Variants in PDXDC1 observed in about 807,000 individuals in gnomAD.
PDXDC1 encodes the protein pyridoxal dependent decarboxylase domain containing 1, also known as pyridoxal-dependent decarboxylase domain-containing protein 1.
Under a neutral mutation model 100.1 loss-of-function variants are expected in PDXDC1, and 42 were observed. That is an observed-to-expected ratio of 0.42 (90% CI 0.33 to 0.54). The LOEUF (loss-of-function observed/expected upper bound fraction) is 0.54. Among genes scored for constraint, PDXDC1 ranks in the 20% least tolerant of loss-of-function variants. PDXDC1 has a pLI of 0.10. For synonymous variants in PDXDC1, 260 were observed against 371.7 expected (o/e 0.70, Z 3.46); for missense variants, 636 against 979.2 (o/e 0.65, Z 4.68).
intron 16 of PDXDC1, chr16:15,131,644 T>A: frequency 6.3e-7 from 1 of 1,586,430 alleles, no homozygotes; most frequent in Non-Finnish European, 8.6e-7. Context: ...CGATGGTGAC[T>A]CGGCTCCCAG....
chr16:14,994,845 A>T (rs574332931), intron 1 of PDXDC1, among the ~76,000 whole-genome samples: 1 of 152,408 alleles, frequency 6.6e-6, no homozygotes, highest in South Asian at 2.1e-4. Flanking sequence ...TTCCTTGAAG[A>T]GGTCGTTCAC....
intron 1 of PDXDC1, among the ~76,000 whole-genome samples, chr16:14,980,097 A>G (rs1967618508): frequency 6.6e-6 from 1 of 152,296 alleles, no homozygotes; most frequent in Admixed American, 6.5e-5. Context: ...CGGCCATAGT[A>G]CAAAGTTCCT....
At chr16:15,083,017 G>A (rs2045768050) in intron 16 of PDXDC1, among the ~76,000 whole-genome samples, 1 of 152,308 alleles carries the variant, frequency 6.6e-6, no homozygotes, top group South Asian at 2.1e-4. Context: ...AAAAGGCACT[G>A]GGAATCCCCA....
intron 16 of PDXDC1, chr16:15,137,944 T>C (rs2048402362): frequency 2.3e-6 from 2 of 862,326 alleles, no homozygotes; most frequent in Non-Finnish European, 1.9e-6. Flanking sequence ...GGGGCAGGTG[T>C]TGGGGACCAG....
At chr16:14,981,623 G>T (rs1351127674) in intron 1 of PDXDC1, among the ~76,000 whole-genome samples, 2 of 152,268 alleles carry the variant, frequency 1.3e-5, no homozygotes, top group East Asian at 1.9e-4. Context: ...TATAAGATCT[G>T]TGTGAACTGA....
At chr16:15,088,084 C>G (rs990112726) in intron 16 of PDXDC1, among the ~76,000 whole-genome samples, 1 of 151,860 alleles carries the variant, frequency 6.6e-6, no homozygotes, top group Admixed American at 6.6e-5. Flanking sequence ...CCACTGCACT[C>G]CAGCCTGGGC....
chr16:15,079,794 G>A (rs1380765017), intron 16 of PDXDC1, among the ~76,000 whole-genome samples: 2 of 151,960 alleles, frequency 1.3e-5, no homozygotes, highest in South Asian at 2.1e-4. Context: ...ACGGGGTTTC[G>A]CCATGTTGGC....
At chr16:15,077,872 C>A (rs2045532458) in intron 16 of PDXDC1, among the ~76,000 whole-genome samples, 1 of 151,996 alleles carries the variant, frequency 6.6e-6, no homozygotes, top group African/African-American at 2.4e-5. Context: ...CTTTTTCTTC[C>A]CAGGCTCAGC....
At chr16:15,035,114 C>G (rs987321546) in intron 21 of PDXDC1, among the ~76,000 whole-genome samples, 5 of 152,194 alleles carry the variant, frequency 3.3e-5, no homozygotes, top group African/African-American at 1.2e-4. Flanking sequence ...ACTCCATTGT[C>G]ATGAAAGCAA....
chr16:15,145,953 T>A, the PDXDC1 span, among the ~76,000 whole-genome samples: 2 of 152,148 alleles, frequency 1.3e-5, no homozygotes, highest in African/African-American at 4.8e-5. Flanking sequence ...AGTATGTTCC[T>A]CGCTGGAAAG....
intron 16 of PDXDC1, chr16:15,104,668 G>A (rs2046721529): frequency 6.3e-7 from 1 of 1,597,602 alleles, no homozygotes; most frequent in South Asian, 1.1e-5. Context: ...GGTGGCTGGT[G>A]GCCCATCCTG....
intron 3 of PDXDC1, among the ~76,000 whole-genome samples, chr16:15,000,748 A>G (rs1387466795): frequency 1.3e-5 from 2 of 152,178 alleles, no homozygotes; most frequent in African/African-American, 4.8e-5. Context: ...CAGCTTGGGG[A>G]AGAGCTGGTA....
chr16:15,057,155 T>G (rs1357130332), intron 16 of PDXDC1, among the ~76,000 whole-genome samples: 1 of 152,044 alleles, frequency 6.6e-6, no homozygotes, highest in Non-Finnish European at 1.5e-5. Flanking sequence ...CTTTCATAAA[T>G]CTCCCCCTCA....
chr16:15,077,825 G>A (rs1179020451), intron 16 of PDXDC1, among the ~76,000 whole-genome samples: 1 of 152,186 alleles, frequency 6.6e-6, no homozygotes, highest in African/African-American at 2.4e-5. Flanking sequence ...TGGGCAAGAA[G>A]CGAGACACCA....
At chr16:15,097,759 A>G (rs1035578178) in intron 16 of PDXDC1, among the ~76,000 whole-genome samples, 1 of 152,050 alleles carries the variant, frequency 6.6e-6, no homozygotes, top group African/African-American at 2.4e-5. Flanking sequence ...CCCACCTTCT[A>G]CCTGCTTTCC....
At chr16:15,032,388 A>T (rs1025126040) in intron 17 of PDXDC1, 1 of 171,406 alleles carries the variant, frequency 5.8e-6, no homozygotes, top group African/African-American at 2.4e-5. Context: ...ACGGTGGCTC[A>T]TGCCTGTAAT....
intron 16 of PDXDC1, chr16:15,047,364 T>C: frequency 2.1e-6 from 2 of 955,640 alleles, no homozygotes; most frequent in Non-Finnish European, 3.4e-6. Flanking sequence ...TGTGTTCCCC[T>C]AACAGCTTCC....
rs111777204 is a variant in PDXDC1 at position 15,100,880 on chromosome 16, G to A, written c.1400-37999G>A. The stretch of plus-strand genomic sequence containing the variant: ...GTGCACCTGTAGTCCCGGCTACTCA[G>A]GAGGCTGAGACGTGAGGATCAATTG... On this transcript the variant is annotated intron_variant, in intron 16 of 16. Transcript: ENST00000535621. Among the ~76,000 whole-genome samples, 362 of 152,206 alleles carry A rather than the reference G, an allele frequency of 2.4e-3. 3 individuals are homozygous for A. Among genetic ancestry groups the A allele is most frequent in the African/African-American group, 8.1e-3 (338 of 41,536 alleles).
chr16:15,101,588 C>T (rs1323141438), intron 16 of PDXDC1, among the ~76,000 whole-genome samples: 1 of 150,000 alleles, frequency 6.7e-6, no homozygotes, highest in Non-Finnish European at 1.5e-5. Context: ...ATTACCCAGG[C>T]GTGGTGGCAC....
Sources: allele counts gnomAD v4.1 joint callset (sites outside exome capture counted in the v4.1 genomes callset), GRCh38; gene constraint gnomAD v4.1.1; transcripts MANE v1.5; gene names NCBI Gene and HGNC (gene_info 2026-07-23, HGNC 2026-07-21).